The following BAALC variants were observed in gnomAD, a reference collection of about 807,000 sequenced individuals.
BAALC encodes BAALC binder of MAP3K1 and KLF4.
Under a neutral mutation model 15.5 loss-of-function variants are expected in BAALC, and 9 were observed. The ratio of observed to expected loss-of-function variants is 0.58; its 90% CI spans 0.35 to 1.02. BAALC has a LOEUF of 1.02. Among genes scored for constraint, BAALC ranks in the 50% least tolerant of loss-of-function variants. The pLI, the probability that BAALC is intolerant of heterozygous loss-of-function variation, is 0.02. For missense variants in BAALC, 201 were observed against 192.4 expected, an observed-to-expected ratio of 1.04 and a Z score of -0.27; for synonymous variants, 80 against 74.6, an observed-to-expected ratio of 1.07 and a Z score of -0.37.
chr8:103,150,361 CTGTGTGTATGGCTGGGTGTGTCTGTGTG>C (rs1338640903), intron 1 of BAALC, among the ~76,000 whole-genome samples: 6 of 129,326 alleles, frequency 4.6e-5, no homozygotes, highest in Non-Finnish European at 1.8e-5. Flanking sequence ...GTCTGTGTGT[CTGTGTGTATGGCTGGGTGTGTCTGTGTG>C]TGTGTGTGTG....
rs151272677 is a variant in BAALC, at chr8:103,210,500, C to T, written c.161-2419C>T. Among the ~76,000 whole-genome samples the T allele has an allele frequency of 5.4e-4, 82 of 152,376 alleles. No individual in the cohort carries two copies. The East Asian group carries it at 0.014, about 26-fold the overall frequency. ...GCAACTCTGCCAGTCAACACCCTCCCGCCCTTGATATACAAAAATACACTG... is the reference window on the plus strand; with the variant it reads ...GCAACTCTGCCAGTCAACACCCTCCTGCCCTTGATATACAAAAATACACTG... On this transcript the variant is annotated intron_variant, in intron 1 of 2. Transcript: ENST00000309982.
intron 1 of BAALC, among the ~76,000 whole-genome samples, chr8:103,212,202 T>C (rs973905912): frequency 2.0e-5 from 3 of 152,188 alleles, no homozygotes; most frequent in Non-Finnish European, 4.4e-5. Context: ...CTCAGCACTT[T>C]AGAAGACTTA....
At chr8:103,186,741 T>C (rs1435415268) in intron 1 of BAALC, among the ~76,000 whole-genome samples, 1 of 152,198 alleles carries the variant, frequency 6.6e-6, no homozygotes, top group Non-Finnish European at 1.5e-5. Context: ...GTTTAAACAG[T>C]GCTTTCTGGA....
At chr8:103,149,132 T>A (rs937669042) in intron 1 of BAALC, among the ~76,000 whole-genome samples, 2 of 151,842 alleles carry the variant, frequency 1.3e-5, no homozygotes, top group African/African-American at 4.8e-5. Flanking sequence ...CAGGGCAGGG[T>A]CCATTGTGCT....
At chr8:103,208,406 C>T (rs540148288) in intron 1 of BAALC, 3 of 152,318 alleles carry the variant, frequency 2.0e-5, no homozygotes, top group African/African-American at 4.8e-5. Flanking sequence ...TTTCTAGCAG[C>T]GCTTAGGCTT....
chr8:103,153,997 C>A (rs1217398435), intron 1 of BAALC, among the ~76,000 whole-genome samples: 1 of 152,204 alleles, frequency 6.6e-6, no homozygotes, highest in Non-Finnish European at 1.5e-5. Flanking sequence ...CAATAAACAA[C>A]TGGCATGTTT....
intron 2 of BAALC, among the ~76,000 whole-genome samples, chr8:103,221,933 A>G (rs1054587792): frequency 6.6e-6 from 1 of 152,206 alleles, no homozygotes; most frequent in East Asian, 1.9e-4. Context: ...TTGGTTTTAT[A>G]TATTTTAGGG....
chr8:103,216,399 T>C lies in BAALC; in HGVS notation c.327+3314T>C, dbSNP rs145418708. Reference sequence around the variant, plus strand: ...ACTAGCAGTGGTTGAGTTCCAGTTATGGAACAAAAGAATTAAAAATCAGTA... The same window carrying C: ...ACTAGCAGTGGTTGAGTTCCAGTTACGGAACAAAAGAATTAAAAATCAGTA... On this transcript the variant is annotated intron_variant, in intron 2 of 2. Coordinates refer to ENST00000309982, the MANE Select transcript of BAALC (RefSeq NM_024812.3). Among the ~76,000 whole-genome samples, 902 of 152,346 alleles carry C rather than the reference T, an allele frequency of 5.9e-3. 5 individuals are homozygous for C. Among genetic ancestry groups the C allele is most frequent in the African/African-American group, 0.019 (806 of 41,580 alleles).
chr8:103,183,380 T>C, intron 1 of BAALC: 1 of 703,014 alleles, frequency 1.4e-6, no homozygotes, highest in Admixed American at 2.0e-5. Context: ...ATTACCCTCT[T>C]GCCTTTGCAC....
intron 2 of BAALC, among the ~76,000 whole-genome samples, chr8:103,216,050 C>A (rs1812547070): frequency 1.3e-5 from 2 of 152,202 alleles, no homozygotes; most frequent in South Asian, 4.1e-4. Flanking sequence ...TGTCTGGCTT[C>A]TTTTGCTCAA....
At chr8:103,224,469 A>G (rs1370707752) in intron 2 of BAALC, among the ~76,000 whole-genome samples, 2 of 151,984 alleles carry the variant, frequency 1.3e-5, no homozygotes, top group East Asian at 3.9e-4. Context: ...AAATTTAAAT[A>G]TTTTCTGGTA....
intron 1 of BAALC, chr8:103,191,480 C>G (rs1212162199): frequency 6.6e-6 from 1 of 151,934 alleles, no homozygotes; most frequent in Non-Finnish European, 1.5e-5. Context: ...GAATGGGAAA[C>G]AAAGAAATGG....
intron 1 of BAALC, among the ~76,000 whole-genome samples, chr8:103,164,165 G>A (rs1242612575): frequency 1.3e-5 from 2 of 152,290 alleles, no homozygotes; most frequent in Non-Finnish European, 2.9e-5. Context: ...AGCATTAGGG[G>A]ATAGAGTGCT....
At chr8:103,213,907 T>C (rs986259855) in intron 2 of BAALC, among the ~76,000 whole-genome samples, 10 of 152,074 alleles carry the variant, frequency 6.6e-5, no homozygotes, top group African/African-American at 2.4e-4. Context: ...ACTGTGACAA[T>C]GGGTTTTGCA....
chr8:103,194,604 T>C (rs1494277), intron 1 of BAALC, among the ~76,000 whole-genome samples: 149,558 of 152,332 alleles, frequency 0.98, 73,426 homozygotes, highest in East Asian at 1. Flanking sequence ...AGCTGTCAGT[T>C]CATTCATGTT....
chr8:103,223,065 C>T (rs1410052362), intron 2 of BAALC, among the ~76,000 whole-genome samples: 1 of 152,126 alleles, frequency 6.6e-6, no homozygotes, highest in Non-Finnish European at 1.5e-5. Flanking sequence ...GTAATTCCAG[C>T]ACTTTGGGAG....
At chr8:103,169,603 T>A (rs141269545) in intron 1 of BAALC, among the ~76,000 whole-genome samples, 1 of 152,310 alleles carries the variant, frequency 6.6e-6, no homozygotes, top group Non-Finnish European at 1.5e-5. Flanking sequence ...TTTTCAGGCC[T>A]TTTTGAGGGA....
rs370407914 is a variant in BAALC at position 103,204,874 on chromosome 8, A to G, written c.161-8045A>G. Among the ~76,000 whole-genome samples, 21 of 152,372 alleles carry G rather than the reference A, an allele frequency of 1.4e-4. No homozygotes were observed. The South Asian group carries it at 4.3e-3, about 32-fold the overall frequency. On this transcript the variant is annotated intron_variant, in intron 1 of 2. Transcript: ENST00000309982. ...TGTCCCATTCTAGTTCATTTTAAAG[A>G]TGAAACAAATTCTTAGTAAGTGGCT...
At chr8:103,142,279 C>T (rs1009365283) in intron 1 of BAALC, among the ~76,000 whole-genome samples, 2 of 152,220 alleles carry the variant, frequency 1.3e-5, no homozygotes, top group African/African-American at 2.4e-5. Flanking sequence ...GCTCCTTTTC[C>T]ACATTAACTT....
Sources: gnomAD v4.1 joint callset for allele counts (sites outside exome capture counted in the v4.1 genomes callset) on GRCh38, gnomAD v4.1.1 for gene constraint, MANE v1.5 for transcripts, NCBI Gene and HGNC (gene_info 2026-07-23, HGNC 2026-07-21) for gene names.